Variants in NEDD4L observed in about 807,000 individuals in gnomAD.
The protein encoded by NEDD4L is NEDD4 like E3 ubiquitin protein ligase.
Under a neutral mutation model 148.9 loss-of-function variants are expected in NEDD4L, and 54 were observed. The ratio of observed to expected loss-of-function variants is 0.36; its 90% confidence interval spans 0.29 to 0.45. NEDD4L has a LOEUF of 0.45. Ranked by LOEUF, NEDD4L falls within the 20% of genes least tolerant of loss-of-function variation. The pLI is 1.00. For missense variants in NEDD4L, 856 were observed against 1,233.8 expected (o/e 0.69, Z 4.59); for synonymous variants, 433 against 440.7 (o/e 0.98, Z 0.22).
At chr18:58,312,049 G>A (rs956394177) in intron 5 of NEDD4L, among the ~76,000 whole-genome samples, 4 of 152,170 alleles carry the variant, frequency 2.6e-5, no homozygotes, top group Non-Finnish European at 4.4e-5. Context: ...TACCGCACAA[G>A]CTCTAAAGGA....
chr18:58,294,623 T>C (rs1015711443), intron 5 of NEDD4L, among the ~76,000 whole-genome samples: 2 of 152,170 alleles, frequency 1.3e-5, no homozygotes, highest in African/African-American at 4.8e-5. Context: ...TTTTTTGCCT[T>C]TTATTTTTTG....
chr18:58,252,179 G>A, intron 5 of NEDD4L, 125 bp downstream of exon 5: 1 of 693,262 alleles, frequency 1.4e-6, no homozygotes, highest in East Asian at 2.6e-5. Flanking sequence ...AAAGAAGACT[G>A]TTTTTGTCCC....
At chr18:58,255,563 G>A (rs934312374) in intron 5 of NEDD4L, 4 of 1,231,722 alleles carry the variant, frequency 3.2e-6, no homozygotes, top group Non-Finnish European at 4.0e-6. Flanking sequence ...TGGAATTTGT[G>A]TCTTTGGTTT....
At chr18:58,084,127 C>G (rs1199308078) in intron 1 of NEDD4L, among the ~76,000 whole-genome samples, 1 of 152,064 alleles carries the variant, frequency 6.6e-6, no homozygotes, top group African/African-American at 2.4e-5. Context: ...TGAACGAATC[C>G]AGGCACAAAA....
In NEDD4L at chr18:58,270,436, T is replaced by C. The variant is rs145992509; in HGVS notation, c.297+18382T>C. 5.3e-3 allele frequency among the ~76,000 whole-genome samples: 803 copies of C among 152,306 alleles called. 7 individuals carry two copies. The highest frequency in any genetic ancestry group is 0.018 in the African/African-American group (749 of 41,566). Reference sequence around the variant, plus strand: ...GCTCAGTCTTGGCCATCTGGGGTCTTCTGCAAATGAACTGCCCATAGTCTG... The same window carrying C: ...GCTCAGTCTTGGCCATCTGGGGTCTCCTGCAAATGAACTGCCCATAGTCTG... On this transcript the variant is annotated intron_variant, in intron 5 of 30. Coordinates refer to ENST00000400345, the MANE Select transcript of NEDD4L (RefSeq NM_001144967.3).
At chr18:58,109,297 A>T (rs1231457850) in intron 1 of NEDD4L, among the ~76,000 whole-genome samples, 1 of 152,240 alleles carries the variant, frequency 6.6e-6, no homozygotes, top group Non-Finnish European at 1.5e-5. Context: ...TTATGCCCAC[A>T]GAAGAGTTTC....
intron 1 of NEDD4L, among the ~76,000 whole-genome samples, chr18:58,137,100 G>A (rs1393853389): frequency 6.6e-6 from 1 of 152,218 alleles, no homozygotes; most frequent in African/African-American, 2.4e-5. Flanking sequence ...AATATTTAGT[G>A]ACTTTCAAAG....
intron 3 of NEDD4L, chr18:58,247,616 C>T (rs73454656): frequency 0.027 from 4,119 of 152,496 alleles, 135 homozygotes; most frequent in African/African-American, 0.079. Context: ...TCCTGCTGCC[C>T]GCCTCCTGGT....
chr18:58,374,666 C>T (rs1482265237), intron 24 of NEDD4L, among the ~76,000 whole-genome samples: 1 of 151,962 alleles, frequency 6.6e-6, no homozygotes, highest in Non-Finnish European at 1.5e-5. Context: ...TCCTCTGCTG[C>T]CTTTGACACA....
Position 58,134,530 on chromosome 18 carries a change from G to A in NEDD4L, c.49-31258G>A. 8.4e-5 allele frequency among the ~76,000 whole-genome samples: 2 copies of A among 23,876 alleles called. 1 individual carries two copies. Among genetic ancestry groups the A allele is most frequent in the Non-Finnish European group, 1.5e-4 (2 of 13,528 alleles). 15.7% of individuals were successfully genotyped at this position (23,876 alleles called of 152,430 possible). A position where few individuals can be genotyped will look rare whatever the true frequency, so the allele number is the denominator to read the frequency against. On this transcript the variant is annotated intron_variant, in intron 1 of 30. Transcript: ENST00000400345. ...TGGGACTACAGGCGCCCGCCACTAC[G>A]CCCGGCTAATTTTTTGTATTTTTAG... is the stretch of plus-strand genomic sequence containing the variant.
intron 1 of NEDD4L, among the ~76,000 whole-genome samples, chr18:58,081,658 G>A (rs901491120): frequency 2.6e-5 from 4 of 152,120 alleles, no homozygotes; most frequent in Admixed American, 2.6e-4. Flanking sequence ...TTCCTGCCCT[G>A]ATGCTGAACT....
At chr18:58,284,361 A>G (rs1006259220) in intron 5 of NEDD4L, among the ~76,000 whole-genome samples, 6 of 152,126 alleles carry the variant, frequency 3.9e-5, no homozygotes, top group Admixed American at 6.5e-5. Context: ...TTTTTCCTCA[A>G]AGTAGCTTTT....
chr18:58,227,244 A>G (rs1260307867), intron 2 of NEDD4L, among the ~76,000 whole-genome samples: 3 of 152,214 alleles, frequency 2.0e-5, no homozygotes, highest in Non-Finnish European at 4.4e-5. Context: ...TCAGGTGCCT[A>G]AAACAACCAT....
chr18:58,296,814 C>T (rs967586504), intron 5 of NEDD4L, among the ~76,000 whole-genome samples: 3 of 152,110 alleles, frequency 2.0e-5, no homozygotes, highest in African/African-American at 7.2e-5. Flanking sequence ...TCCAGCTATT[C>T]GGGAGGCTGA....
At chr18:58,369,867 G>A (rs1745900927) in intron 22 of NEDD4L, among the ~76,000 whole-genome samples, 1 of 152,234 alleles carries the variant, frequency 6.6e-6, no homozygotes, top group Non-Finnish European at 1.5e-5. Flanking sequence ...TTTCCAGCCT[G>A]TCCCCTTCCT....
rs183007091 is a variant in NEDD4L, at chr18:58,133,281, T to C, written c.49-32507T>C. 3.9e-5 allele frequency among the ~76,000 whole-genome samples: 6 copies of C among 152,342 alleles called. No homozygotes were observed. In the East Asian group the frequency reaches 5.8e-4, roughly 15 times the overall value. Reference sequence around the variant, plus strand: ...ATAATTAGGAGAATGCACTTATAAGTTTCTATGCCAACTGTTTCCACTGCT... The same window carrying C: ...ATAATTAGGAGAATGCACTTATAAGCTTCTATGCCAACTGTTTCCACTGCT... On this transcript the variant is annotated intron_variant, in intron 1 of 30. Transcript: ENST00000400345.
intron 5 of NEDD4L, among the ~76,000 whole-genome samples, chr18:58,259,496 G>A (rs777471860): frequency 1.2e-4 from 19 of 152,130 alleles, no homozygotes; most frequent in Non-Finnish European, 1.9e-4. Context: ...GAGGAAGTTG[G>A]ACCACCATTT....
intron 2 of NEDD4L, chr18:58,195,598 C>T (rs1310963885): frequency 7.4e-7 from 1 of 1,342,996 alleles, no homozygotes; most frequent in Admixed American, 1.9e-5. Context: ...CTGTTGGTTA[C>T]CTGGCCGGGA....
At chr18:58,337,421 CT>C (rs966246280) in intron 13 of NEDD4L, among the ~76,000 whole-genome samples, 45 of 152,320 alleles carry the variant, frequency 3.0e-4, no homozygotes, top group African/African-American at 9.6e-4. Context: ...GTGTTTCCCT[CT>C]TTGGCATCCC....
Sources: gnomAD v4.1 joint callset for allele counts (sites outside exome capture counted in the v4.1 genomes callset) on GRCh38, gnomAD v4.1.1 for gene constraint, MANE v1.5 for transcripts, NCBI Gene and HGNC (gene_info 2026-07-23, HGNC 2026-07-21) for gene names.